The following CYRIB variants were observed in gnomAD, a reference collection of about 807,000 sequenced individuals.
The protein encoded by CYRIB is CYFIP-related Rac1 interactor B.
Under a neutral mutation model 44.2 loss-of-function variants are expected in CYRIB, and 8 were observed. The ratio of observed to expected loss-of-function variants is 0.18; its 90% confidence interval spans 0.11 to 0.33. The LOEUF (loss-of-function observed/expected upper bound fraction) is 0.33. Among genes scored for constraint, CYRIB ranks in the 10% least tolerant of loss-of-function variants. The probability of loss-of-function intolerance (pLI) is 1.00; values close to 1 mark genes in which losing one functional copy is unlikely to be tolerated. For synonymous variants in CYRIB, 131 were observed against 127.2 expected (o/e 1.03, Z -0.20); for missense variants, 185 against 382.8 (o/e 0.48, Z 4.31).
intron 1 of CYRIB, among the ~76,000 whole-genome samples, chr8:129,985,687 C>T (rs777404474): frequency 8.5e-5 from 13 of 152,168 alleles, no homozygotes; most frequent in Non-Finnish European, 1.8e-4. Flanking sequence ...GAGTGTGGCA[C>T]AGGTTGTCTG....
At chr8:129,990,634 G>A (rs1219943459) in intron 1 of CYRIB, among the ~76,000 whole-genome samples, 1 of 151,952 alleles carries the variant, frequency 6.6e-6, no homozygotes, top group Non-Finnish European at 1.5e-5. Flanking sequence ...CGATCCTCCT[G>A]CCTCAGCCTC....
At chr8:129,846,205 G>A (rs1279838266) in intron 11 of CYRIB, among the ~76,000 whole-genome samples, 2 of 152,042 alleles carry the variant, frequency 1.3e-5, no homozygotes, top group African/African-American at 2.4e-5. Flanking sequence ...TCTAAGAAAA[G>A]ACATTAAATA....
At chr8:129,885,812 A>G (rs1364270851) in intron 2 of CYRIB, among the ~76,000 whole-genome samples, 1 of 152,030 alleles carries the variant, frequency 6.6e-6, no homozygotes, top group Non-Finnish European at 1.5e-5. Flanking sequence ...CCACACATTA[A>G]AAAAAATTCT....
chr8:129,875,269 C>G (rs116084824), intron 3 of CYRIB, among the ~76,000 whole-genome samples: 2,332 of 139,410 alleles, frequency 0.017, 51 homozygotes, highest in African/African-American at 0.053. Context: ...CCATTCAGTG[C>G]TTTTTTTTTT....
At chr8:129,953,581 C>T (rs1488041939) in intron 2 of CYRIB, among the ~76,000 whole-genome samples, 3 of 152,182 alleles carry the variant, frequency 2.0e-5, no homozygotes, top group Non-Finnish European at 4.4e-5. Flanking sequence ...ACTGTGAGCT[C>T]CAGGACGGTA....
intron 7 of CYRIB, among the ~76,000 whole-genome samples, chr8:129,852,714 G>A (rs1254432943): frequency 1.3e-5 from 2 of 152,102 alleles, no homozygotes; most frequent in East Asian, 3.9e-4. Flanking sequence ...GGTCATATTG[G>A]GCAGGTAAAC....
intron 1 of CYRIB, among the ~76,000 whole-genome samples, chr8:129,982,867 C>T (rs1395608692): frequency 2.6e-5 from 4 of 152,188 alleles, no homozygotes; most frequent in African/African-American, 9.7e-5. Flanking sequence ...CCCAGGCCTG[C>T]AGCTGGCTGT....
At chr8:130,007,161 G>A (rs936365532) in intron 1 of CYRIB, among the ~76,000 whole-genome samples, 4 of 152,136 alleles carry the variant, frequency 2.6e-5, no homozygotes, top group African/African-American at 9.7e-5. Flanking sequence ...GTTTGCAGTA[G>A]GTGGTTCTTG....
intron 1 of CYRIB, among the ~76,000 whole-genome samples, chr8:129,920,557 G>A (rs1246362794): frequency 6.6e-6 from 1 of 152,070 alleles, no homozygotes; most frequent in African/African-American, 2.4e-5. Flanking sequence ...CAAACAGAAT[G>A]AGTGCCATAA....
intron 7 of CYRIB, among the ~76,000 whole-genome samples, chr8:129,853,008 G>C (rs2131632137): frequency 6.6e-6 from 1 of 152,302 alleles, no homozygotes; most frequent in Non-Finnish European, 1.5e-5. Context: ...AAGACTTGTA[G>C]GTCCGAAAAT....
intron 2 of CYRIB, among the ~76,000 whole-genome samples, chr8:129,946,982 C>T (rs1279360134): frequency 6.6e-6 from 1 of 152,182 alleles, no homozygotes; most frequent in Admixed American, 6.5e-5. Context: ...TGAACCCCAC[C>T]TACCTTCACT....
At chr8:129,983,828 G>T (rs1375982350) in intron 1 of CYRIB, among the ~76,000 whole-genome samples, 1 of 152,252 alleles carries the variant, frequency 6.6e-6, no homozygotes, top group Non-Finnish European at 1.5e-5. Flanking sequence ...CCCGCTGGGT[G>T]CGGAACCGGG....
chr8:130,015,968 C>T (rs371504809), intron 1 of CYRIB, among the ~76,000 whole-genome samples: 227 of 152,160 alleles, frequency 1.5e-3, no homozygotes, highest in African/African-American at 5.0e-3. Context: ...GGGTCAGTCC[C>T]CGCACCGACA....
intron 1 of CYRIB, among the ~76,000 whole-genome samples, chr8:129,939,177 A>T (rs1301908171): frequency 6.6e-6 from 1 of 151,296 alleles, no homozygotes; most frequent in Admixed American, 6.6e-5. Flanking sequence ...GGAGCTGGGG[A>T]CGGGAACAGG....
chr8:129,941,703 T>C (rs117037199), upstream of CYRIB, among the ~76,000 whole-genome samples: 12 of 152,306 alleles, frequency 7.9e-5, no homozygotes, highest in East Asian at 1.4e-3. Context: ...CTGTCCTCAA[T>C]GTGAACAGGA....
At chr8:129,972,071 C>T (rs185164361) in intron 1 of CYRIB, among the ~76,000 whole-genome samples, 17 of 152,250 alleles carry the variant, frequency 1.1e-4, no homozygotes, top group East Asian at 1.9e-4. Context: ...CTGAAACTAC[C>T]GGAAGCTACT....
Position 129,897,726 on chromosome 8 carries a change from G to A in CYRIB, c.-11+5586C>T, listed in dbSNP as rs573952835. On this transcript the variant is annotated intron_variant, in intron 2 of 11. Coordinates refer to ENST00000519824, the Ensembl canonical transcript of CYRIB. ...GAGGTGGGAGGATTGCTTGAGCCCA[G>A]GAGTTCGAGACCAGCCTGGGCAACA... Among the ~76,000 whole-genome samples the A allele has an allele frequency of 5.3e-5, 8 of 151,432 alleles. No individual in the cohort carries two copies. In the South Asian group the frequency reaches 1.1e-3, roughly 20 times the overall value.
chr8:129,900,548 T>C (rs2071049664), intron 2 of CYRIB, among the ~76,000 whole-genome samples: 1 of 152,316 alleles, frequency 6.6e-6, no homozygotes, highest in East Asian at 1.9e-4. Context: ...AGCTGGTGAC[T>C]TTCTGCAAGT....
upstream of CYRIB, among the ~76,000 whole-genome samples, chr8:129,943,671 T>C (rs1178275643): frequency 1.6e-5 from 2 of 124,102 alleles, no homozygotes; most frequent in East Asian, 2.7e-4. Context: ...CAATCTTGGC[T>C]CACTGCAAGC....
Sources: allele counts gnomAD v4.1 joint callset (sites outside exome capture counted in the v4.1 genomes callset), GRCh38; gene constraint gnomAD v4.1.1; transcripts MANE v1.5; gene names NCBI Gene and HGNC (gene_info 2026-07-23, HGNC 2026-07-21).